Variants in LTF observed in about 807,000 individuals in gnomAD.
The protein encoded by LTF is epididymis luminal protein 110.
In LTF, 91 loss-of-function variants were observed where a neutral mutation model predicts 87.2. The ratio of observed to expected loss-of-function variants is 1.04; its 90% CI spans 0.88 to 1.24. LTF has a LOEUF of 1.24. Among genes scored for constraint, LTF ranks in the 50% most tolerant of loss-of-function variants. The pLI is 0.00. For missense variants in LTF, 901 were observed against 904.3 expected (o/e 1.00, Z 0.05); for synonymous variants, 378 against 356.1 (o/e 1.06, Z -0.69).
intron 13 of LTF, 140 bp downstream of exon 13, chr3:46,443,301 T>C: frequency 9.8e-7 from 1 of 1,021,048 alleles, no homozygotes; most frequent in East Asian, 2.4e-5. Context: ...CAGCCCTCAC[T>C]GGGGCCACCC....
chr3:46,438,263 T>C (rs1702434562), intron 15 of LTF, 134 bp from the exon 16 acceptor site: 1 of 737,004 alleles, frequency 1.4e-6, no homozygotes, highest in Admixed American at 2.6e-5. Context: ...AGTTCTGGAG[T>C]CATTCCACCT....
At chr3:46,463,690 C>G in intron 1 of LTF, 1 of 981,536 alleles carries the variant, frequency 1.0e-6, no homozygotes, top group Non-Finnish European at 1.2e-6. Context: ...ATGACCACTT[C>G]CAGGAAGGCA....
At chr3:46,466,594 T>C (rs1175109393), upstream of LTF, among the ~76,000 whole-genome samples, 1 of 152,190 alleles carries the variant, frequency 6.6e-6, no homozygotes, top group Non-Finnish European at 1.5e-5. Context: ...TGGAGGCTAA[T>C]CAGGGATCAT....
At chr3:46,468,008 T>TCCACCAAAC (rs1177987021), upstream of LTF, among the ~76,000 whole-genome samples, 13 of 152,298 alleles carry the variant, frequency 8.5e-5, no homozygotes, top group Non-Finnish European at 1.5e-4. Flanking sequence ...CCTACCGCTT[T>TCCACCAAAC]CCACCAAACC....
chr3:46,466,416 G>C (rs1255628862), upstream of LTF, among the ~76,000 whole-genome samples: 1 of 152,210 alleles, frequency 6.6e-6, no homozygotes, highest in East Asian at 1.9e-4. Flanking sequence ...GTACTAAAAA[G>C]CATTTCCTGG....
intron 1 of LTF, among the ~76,000 whole-genome samples, chr3:46,472,131 T>C (rs1483104607): frequency 6.6e-6 from 1 of 151,970 alleles, no homozygotes; most frequent in Non-Finnish European, 1.5e-5. Flanking sequence ...ACCCTCCCCA[T>C]TTCTTCCTCT....
Position 46,445,251 on chromosome 3 carries a change from CCCACCCACCGCA to C in LTF, c.1513+18_1513+29del. The stretch of plus-strand genomic sequence containing the variant: ...ACAATATGCCTACCCTCCAGGGTGG[CCCACCCACCGCA>C]CCTTTGGAACTCCTTACCAAATTTG... On this transcript the variant is annotated intron_variant, in intron 12 of 16. Transcript: ENST00000231751. The C allele has an allele frequency of 6.3e-7, 1 of 1,582,440 alleles. No individual in the cohort carries two copies. The highest frequency in any genetic ancestry group is 8.6e-7 in the Non-Finnish European group (1 of 1,162,928).
upstream of LTF, among the ~76,000 whole-genome samples, chr3:46,469,135 C>T (rs934271931): frequency 2.0e-4 from 30 of 152,324 alleles, no homozygotes; most frequent in African/African-American, 6.3e-4. Flanking sequence ...GCTTTAACAA[C>T]GACTCTGTGA....
At chr3:46,456,870 G>T (rs77370513) in intron 2 of LTF, among the ~76,000 whole-genome samples, 4,726 of 152,266 alleles carry the variant, frequency 0.031, 116 homozygotes, top group Middle Eastern at 0.065. Context: ...GGATAGTTTA[G>T]TGGTCCCCAA....
At chr3:46,484,029 G>C (rs1703484834) in intron 1 of LTF, among the ~76,000 whole-genome samples, 1 of 152,174 alleles carries the variant, frequency 6.6e-6, no homozygotes. Flanking sequence ...CAGAGGTGCT[G>C]TCCTTGTTTG....
At chr3:46,465,883 C>T (rs1703201378), upstream of LTF, among the ~76,000 whole-genome samples, 1 of 151,416 alleles carries the variant, frequency 6.6e-6, no homozygotes, top group African/African-American at 2.4e-5. Flanking sequence ...CAGCATGGTG[C>T]CTGTGGGACA....
At chr3:46,437,847 C>T (rs1702421664) in intron 16 of LTF, 93 bp downstream of exon 16, 4 of 890,272 alleles carry the variant, frequency 4.5e-6, no homozygotes, top group Admixed American at 4.6e-5. Flanking sequence ...AACATTTTTA[C>T]ACCTGTGTTC....
chr3:46,461,290 G>A (rs747322554), intron 1 of LTF, among the ~76,000 whole-genome samples: 3 of 152,178 alleles, frequency 2.0e-5, no homozygotes, highest in Non-Finnish European at 4.4e-5. Flanking sequence ...CCCAACAATT[G>A]CACTTCTAGG....
chr3:46,476,733 C>G (rs1464341), intron 1 of LTF, among the ~76,000 whole-genome samples: 38,110 of 152,068 alleles, frequency 0.25, 5,066 homozygotes, highest in African/African-American at 0.34. Flanking sequence ...TGATCACTAT[C>G]CTGACATCTA....
Position 46,464,757 on chromosome 3 carries a change from A to C in LTF, c.43+68T>G. On this transcript the variant is annotated intron_variant, in intron 1 of 16. Coordinates refer to ENST00000231751, the MANE Select transcript of LTF (RefSeq NM_002343.6). ...CCAGCCAACCGGACACAGGGACCAA[A>C]GCGCCTAGCAGACAGGGCGCAGGAG... 3 of 1,568,794 alleles carry C rather than the reference A, an allele frequency of 1.9e-6. No homozygotes were observed. The South Asian group carries it at 3.3e-5, about 17-fold the overall frequency.
rs1185377063 is a variant in LTF, at chr3:46,455,284, G to GGGTC, written c.647+7_647+10dup. On this transcript the variant is annotated intron_variant, in intron 5 of 16. Transcript: ENST00000231751. Reference sequence around the variant, plus strand: ...CTTGGCCACTGACGAGAAGGGGACAGGGTCACTCACTTGAAGGCACCAGAG... The same window carrying GGGTC: ...CTTGGCCACTGACGAGAAGGGGACAGGGTCGGTCACTCACTTGAAGGCACCAGAG... The GGGTC allele has an allele frequency of 1.2e-6, 2 of 1,614,046 alleles. No individual in the cohort carries two copies. Among genetic ancestry groups the GGGTC allele is most frequent in the African/African-American group, 2.7e-5 (2 of 74,948 alleles).
intron 16 of LTF, among the ~76,000 whole-genome samples, chr3:46,437,693 T>C (rs1363860681): frequency 6.6e-6 from 1 of 152,170 alleles, no homozygotes; most frequent in Non-Finnish European, 1.5e-5. Flanking sequence ...GATTATCAGT[T>C]TCCAAAGATT....
chr3:46,477,861 CAA>C (rs957271398), intron 1 of LTF, among the ~76,000 whole-genome samples: 1 of 152,184 alleles, frequency 6.6e-6, no homozygotes, highest in Non-Finnish European at 1.5e-5. Flanking sequence ...TGGGAATCTG[CAA>C]AGAGTTCCCT....
At chr3:46,454,207 C>T in intron 6 of LTF, 98 bp downstream of exon 6, 2 of 1,019,924 alleles carry the variant, frequency 2.0e-6, no homozygotes, top group East Asian at 2.4e-5. Context: ...TGAAAATGGT[C>T]TGCCATGAAC....
Sources: allele counts gnomAD v4.1 joint callset (sites outside exome capture counted in the v4.1 genomes callset), GRCh38; gene constraint gnomAD v4.1.1; transcripts MANE v1.5; gene names NCBI Gene and HGNC (gene_info 2026-07-23, HGNC 2026-07-21).